Variants in MLLT10 observed in about 807,000 individuals in gnomAD.
The protein encoded by MLLT10 is protein AF-10.
Under a neutral mutation model 129.1 loss-of-function variants are expected in MLLT10, and 30 were observed. The ratio of observed to expected loss-of-function variants is 0.23; its 90% confidence interval spans 0.17 to 0.32. The LOEUF is 0.32. Ranked by LOEUF, MLLT10 falls within the 10% of genes least tolerant of loss-of-function variation. MLLT10 has a pLI of 1.00. For missense variants in MLLT10, 1,119 were observed against 1,268.3 expected (o/e 0.88, Z 1.79); for synonymous variants, 490 against 446.4 (o/e 1.10, Z -1.23).
At chr10:21,646,859 T>G (rs2048529308) in intron 8 of MLLT10, among the ~76,000 whole-genome samples, 2 of 151,462 alleles carry the variant, frequency 1.3e-5, no homozygotes, top group South Asian at 4.2e-4. Flanking sequence ...TTCCCTTTTT[T>G]TTTTTTTTTT....
Position 21,673,372 on chromosome 10 carries a change from C to A in MLLT10, c.1074C>A (p.Gly358=). ...CAGGCAGTTTTTCAGGAACTCCAGG[C>A]AGTGTAAAGTCATCTTCTGGAAGTT... ...FPQGSFSGTP[G]SVKSSSGSSV... Residue 358 remains glycine, a synonymous_variant, in exon 11 of 23, where the codon GGC becomes GGA. Transcript: ENST00000307729. 1 of 1,223,090 alleles carries A rather than the reference C, an allele frequency of 8.2e-7. No homozygotes were observed. Among genetic ancestry groups the A allele is most frequent in the Non-Finnish European group, 1.0e-6 (1 of 959,678 alleles). 75.8% of individuals were successfully genotyped at this position (1,223,090 alleles called of 1,614,324 possible).
In MLLT10 at chr10:21,617,164, C is replaced by A; in HGVS notation, c.656C>A (p.Ser219Tyr). ...TCATATGATCAAAGTTTAAGTGATT[C>A]TTCCTCTCACTCTCAGGATAAACAT... ...NRSYDQSLSD[S>Y]SSHSQDKHHE... The change falls in exon 8 of 23, where the codon TCT becomes TAT. Residue 219 changes from serine (S) to tyrosine (Y), a missense_variant. By Grantham distance (144) the Ser-to-Tyr change is moderately radical (BLOSUM62 -2). This residue lies in a region of MLLT10 where 1,004 missense variants were observed against 1,008.7 expected (regional missense o/e 1.00). Transcript: ENST00000307729. 1.3e-6 allele frequency: 2 copies of A among 1,540,938 alleles called. No homozygotes were observed. Among genetic ancestry groups the A allele is most frequent in the Middle Eastern group, 1.8e-4 (1 of 5,702 alleles).
At chr10:21,686,112 C>A (rs115284332) in intron 13 of MLLT10, among the ~76,000 whole-genome samples, 2,036 of 152,222 alleles carry the variant, frequency 0.013, 50 homozygotes, top group African/African-American at 0.047. Flanking sequence ...TAAAATACTT[C>A]TATTAAGTGA....
intron 11 of MLLT10, among the ~76,000 whole-genome samples, chr10:21,679,728 T>G (rs1008685121): frequency 2.0e-5 from 3 of 152,204 alleles, no homozygotes; most frequent in African/African-American, 7.2e-5. Context: ...GACCATAGTA[T>G]TTGGAATTTC....
intron 13 of MLLT10, among the ~76,000 whole-genome samples, chr10:21,709,841 A>G (rs1350935916): frequency 6.6e-6 from 1 of 151,938 alleles, no homozygotes; most frequent in Non-Finnish European, 1.5e-5. Context: ...AGGCTCAAGC[A>G]GTTCTCCCAC....
At chr10:21,645,936 G>C (rs1295812662) in intron 8 of MLLT10, among the ~76,000 whole-genome samples, 1 of 152,306 alleles carries the variant, frequency 6.6e-6, no homozygotes, top group East Asian at 1.9e-4. Context: ...TGGGTGTGGT[G>C]GCTCACACCT....
rs571309654 is a variant in MLLT10 at position 21,539,601 on chromosome 10, G to A, written c.240+689G>A. Among the ~76,000 whole-genome samples the A allele has an allele frequency of 7.3e-5, 11 of 151,618 alleles. No homozygotes were observed. In the South Asian group the frequency reaches 1.3e-3, roughly 17 times the overall value. On this transcript the variant is annotated intron_variant, in intron 3 of 22. Transcript: ENST00000307729. ...ACCCTGGCCAACATGGTGAAACCCC[G>A]TCTCTACTACAAATACAAAAATTAG...
At chr10:21,569,299 G>T (rs553585626) in intron 3 of MLLT10, among the ~76,000 whole-genome samples, 10 of 152,152 alleles carry the variant, frequency 6.6e-5, no homozygotes, top group African/African-American at 2.4e-4. Context: ...TTGTCACCTA[G>T]GCTGGAGTGC....
In MLLT10 at chr10:21,642,618, C is replaced by T. The variant is rs551294632; in HGVS notation, c.700-9055C>T. Among the ~76,000 whole-genome samples the T allele has an allele frequency of 1.4e-3, 195 of 144,014 alleles. 2 individuals carry two copies. The highest frequency in any genetic ancestry group is 4.8e-3 in the African/African-American group (184 of 38,678). 94.5% of individuals were successfully genotyped at this position (144,014 alleles called of 152,430 possible). On this transcript the variant is annotated intron_variant, in intron 8 of 22. Transcript: ENST00000307729. ...GTTGCAGTGAGCCAAGATTGAGCCA[C>T]TGCACTCCAGCCTGGCCAACAGAGC...
At position 21,733,052 on chromosome 10, in the gene MLLT10, C is replaced by T. The variant is rs368104484; in HGVS notation, c.2372C>T (p.Pro791Leu). 5.6e-6 allele frequency: 9 copies of T among 1,612,396 alleles called. No individual in the cohort carries two copies. The highest frequency in any genetic ancestry group is 2.2e-5 in the East Asian group (1 of 44,810). ...PFPTITANPS[P>L]SHQIHTFSAQ... ...CCAACAATAACAGCAAATCCTAGTC[C>T]GTCTCATCAAATACACACATTTTCA... Residue 791 changes from proline (P) to leucine (L), a missense_variant, in exon 18 of 23, where the codon CCG becomes CTG. Coordinates refer to ENST00000307729, the MANE Select transcript of MLLT10 (RefSeq NM_001195626.3).
At chr10:21,623,931 T>A (rs892213329) in intron 8 of MLLT10, among the ~76,000 whole-genome samples, 4 of 152,178 alleles carry the variant, frequency 2.6e-5, no homozygotes, top group Non-Finnish European at 2.9e-5. Context: ...TCTTTTTTTT[T>A]AATAGATTTT....
intron 5 of MLLT10, among the ~76,000 whole-genome samples, chr10:21,602,563 C>T (rs2043645696): frequency 6.6e-6 from 1 of 152,110 alleles, no homozygotes; most frequent in Admixed American, 6.5e-5. Context: ...ATTAACTTAT[C>T]TTATGTGACA....
intron 14 of MLLT10, among the ~76,000 whole-genome samples, chr10:21,725,128 G>A (rs1422916904): frequency 6.6e-6 from 1 of 152,218 alleles, no homozygotes; most frequent in Non-Finnish European, 1.5e-5. Context: ...ACAAAATAGT[G>A]TGCAGGTTTT....
chr10:21,739,925 T>C, intron 21 of MLLT10, 105 bp from the exon 22 acceptor site: 1 of 876,706 alleles, frequency 1.1e-6, no homozygotes, highest in Non-Finnish European at 1.7e-6. Context: ...GTTTTCTTTC[T>C]TTGCAAATAT....
At chr10:21,645,479 G>A (rs1053847159) in intron 8 of MLLT10, among the ~76,000 whole-genome samples, 21 of 152,130 alleles carry the variant, frequency 1.4e-4, no homozygotes, top group Non-Finnish European at 2.8e-4. Context: ...TTCTATTTCA[G>A]TGTAAAGAAT....
chr10:21,658,520 T>G (rs1025947453), intron 9 of MLLT10, among the ~76,000 whole-genome samples: 7 of 152,230 alleles, frequency 4.6e-5, no homozygotes, highest in African/African-American at 1.2e-4. Flanking sequence ...ACATTCAGGT[T>G]GTTTTTAGTT....
At chr10:21,708,679 A>G in intron 13 of MLLT10, 3 of 985,294 alleles carry the variant, frequency 3.0e-6, no homozygotes, top group South Asian at 4.7e-5. Flanking sequence ...TTGATGTAAT[A>G]TAAAAACAAT....
intron 10 of MLLT10, among the ~76,000 whole-genome samples, chr10:21,672,168 AGTGTGTGTGTGTGTGTGTGT>A (rs55769872): frequency 2.2e-5 from 3 of 134,294 alleles, no homozygotes; most frequent in South Asian, 2.6e-4. Flanking sequence ...CCAGGTTTTC[AGTGTGTGTGTGTGTGTGTGT>A]GTGTGTGTGT....
intron 9 of MLLT10, among the ~76,000 whole-genome samples, chr10:21,662,881 C>T (rs576375067): frequency 2.0e-5 from 3 of 152,244 alleles, no homozygotes; most frequent in South Asian, 4.2e-4. Context: ...TGAACCTCTA[C>T]CCCTGGAATG....
Sources: gnomAD v4.1 joint callset for allele counts (sites outside exome capture counted in the v4.1 genomes callset) on GRCh38, gnomAD v4.1.1 for gene constraint, gnomAD v4.1.1 regional missense constraint, MANE v1.5 for transcripts, NCBI Gene and HGNC (gene_info 2026-07-23, HGNC 2026-07-21) for gene names.